The following ZBTB20 variants were observed in gnomAD, a reference collection of about 807,000 sequenced individuals.
The protein encoded by ZBTB20 is zinc finger and BTB domain containing 20.
Under a neutral mutation model 56.9 loss-of-function variants are expected in ZBTB20, and 9 were observed. That is an observed-to-expected ratio of 0.16 (90% CI 0.10 to 0.28). The LOEUF is 0.28. Ranked by LOEUF, ZBTB20 falls within the 10% of genes least tolerant of loss-of-function variation. The pLI, the probability that ZBTB20 is intolerant of heterozygous loss-of-function variation, is 1.00. For missense variants in ZBTB20, 655 were observed against 1,003.0 expected, an observed-to-expected ratio of 0.65 and a Z score of 4.69; for synonymous variants, 417 against 420.7, an observed-to-expected ratio of 0.99 and a Z score of 0.11.
At chr3:114,417,564 A>G (rs1405165315) in intron 7 of ZBTB20, among the ~76,000 whole-genome samples, 1 of 152,080 alleles carries the variant, frequency 6.6e-6, no homozygotes, top group Non-Finnish European at 1.5e-5. Context: ...GGACGTTAAT[A>G]TAAAAGGTAG....
intron 7 of ZBTB20, among the ~76,000 whole-genome samples, chr3:114,394,634 G>A (rs2086180564): frequency 6.6e-6 from 1 of 152,188 alleles, no homozygotes; most frequent in African/African-American, 2.4e-5. Context: ...GGTGGAGCTT[G>A]TGATCCTGCA....
At chr3:115,091,062 A>T (rs2083175353) in intron 1 of ZBTB20, among the ~76,000 whole-genome samples, 1 of 151,936 alleles carries the variant, frequency 6.6e-6, no homozygotes, top group African/African-American at 2.4e-5. Context: ...TATTTATTAT[A>T]TGGTTAAAGA....
At chr3:114,969,015 T>C (rs1050546995) in intron 3 of ZBTB20, among the ~76,000 whole-genome samples, 2 of 152,198 alleles carry the variant, frequency 1.3e-5, no homozygotes, top group African/African-American at 4.8e-5. Context: ...GTAGACTCAA[T>C]TCCCTAACCC....
At chr3:114,609,988 G>A (rs899407639) in intron 6 of ZBTB20, among the ~76,000 whole-genome samples, 1 of 152,176 alleles carries the variant, frequency 6.6e-6, no homozygotes, top group Non-Finnish European at 1.5e-5. Flanking sequence ...CAGGTTAAGT[G>A]AGAACGAGAA....
At chr3:115,094,881 T>C (rs2083321818) in intron 1 of ZBTB20, among the ~76,000 whole-genome samples, 1 of 152,056 alleles carries the variant, frequency 6.6e-6, no homozygotes, top group African/African-American at 2.4e-5. Flanking sequence ...AGATTCGTAA[T>C]TATTACCATT....
At chr3:115,070,460 C>A (rs897660401) in intron 2 of ZBTB20, among the ~76,000 whole-genome samples, 1 of 152,032 alleles carries the variant, frequency 6.6e-6, no homozygotes, top group Non-Finnish European at 1.5e-5. Context: ...CAGAAACACA[C>A]CATTTTTTCA....
rs572557311 is a variant in ZBTB20, at chr3:114,544,334, T to A, written c.-294-43943A>T. On this transcript the variant is annotated intron_variant, in intron 6 of 11. Coordinates refer to ENST00000675478, the MANE Select transcript of ZBTB20 (RefSeq NM_001348800.3). ...AAAATACAATGATTTGAAGAACAAA[T>A]CTATTTAAGATAAAAAGGCACATAA... Among the ~76,000 whole-genome samples the A allele has an allele frequency of 4.3e-4, 66 of 152,216 alleles. 1 individual carries two copies. Among genetic ancestry groups the A allele is most frequent in the Middle Eastern group, 6.8e-3 (2 of 294 alleles).
chr3:115,075,031 T>C (rs937518457), intron 1 of ZBTB20, among the ~76,000 whole-genome samples: 1 of 152,178 alleles, frequency 6.6e-6, no homozygotes, highest in Non-Finnish European at 1.5e-5. Context: ...TACGGTTATA[T>C]AACATTAACT....
At chr3:114,383,810 C>T (rs2084694062) in intron 8 of ZBTB20, among the ~76,000 whole-genome samples, 1 of 152,152 alleles carries the variant, frequency 6.6e-6, no homozygotes, top group African/African-American at 2.4e-5. Context: ...CCCATTTTTG[C>T]AGTTCATAGT....
At chr3:114,748,352 T>TCTCTCTCTCTCTCTCTCTC (rs374192570) in intron 5 of ZBTB20, among the ~76,000 whole-genome samples, 1 of 48,654 alleles carries the variant, frequency 2.1e-5, no homozygotes, top group East Asian at 7.6e-4. Context: ...TTTCTTTCTT[T>TCTCTCTCTCTCTCTCTCTC]TCTCTCTCTC....
intron 6 of ZBTB20, among the ~76,000 whole-genome samples, chr3:114,675,116 T>G (rs1174918636): frequency 2.0e-5 from 3 of 150,106 alleles, no homozygotes; most frequent in Admixed American, 6.7e-5. Context: ...TTTTTAATTT[T>G]ATTTTATTTG....
chr3:115,111,956 T>C (rs6438229), intron 1 of ZBTB20, among the ~76,000 whole-genome samples: 14,250 of 152,130 alleles, frequency 0.094, 1,976 homozygotes, highest in African/African-American at 0.3. Context: ...ATATGTAGTT[T>C]TACCACTGAG....
At chr3:114,973,797 T>G (rs941071189) in intron 3 of ZBTB20, among the ~76,000 whole-genome samples, 26 of 152,102 alleles carry the variant, frequency 1.7e-4, no homozygotes, top group African/African-American at 6.0e-4. Context: ...CTAAGAAGCC[T>G]CCTTCAATCC....
At chr3:114,936,357 ATG>A (rs1468972291) in intron 3 of ZBTB20, among the ~76,000 whole-genome samples, 3 of 152,120 alleles carry the variant, frequency 2.0e-5, no homozygotes, top group Non-Finnish European at 1.5e-5. Flanking sequence ...GAGTCAGGAG[ATG>A]TGGATTCTGC....
At chr3:115,042,530 TA>T (rs1414072456) in intron 2 of ZBTB20, among the ~76,000 whole-genome samples, 1 of 152,136 alleles carries the variant, frequency 6.6e-6, no homozygotes, top group Non-Finnish European at 1.5e-5. Context: ...TTCCTAGAGT[TA>T]AAAAAAGAAA....
chr3:114,469,283 T>C (rs1298756713), intron 7 of ZBTB20, among the ~76,000 whole-genome samples: 1 of 152,148 alleles, frequency 6.6e-6, no homozygotes, highest in East Asian at 1.9e-4. Flanking sequence ...GAATGTAATG[T>C]GGAGAGACTG....
intron 2 of ZBTB20, among the ~76,000 whole-genome samples, chr3:115,049,112 T>G (rs2081446375): frequency 6.6e-6 from 1 of 152,158 alleles, no homozygotes; most frequent in Non-Finnish European, 1.5e-5. Context: ...ACCTTTTCAG[T>G]GCTCTCTTAG....
At chr3:114,616,316 C>T (rs1168621003) in intron 6 of ZBTB20, among the ~76,000 whole-genome samples, 1 of 152,164 alleles carries the variant, frequency 6.6e-6, no homozygotes, top group Admixed American at 6.5e-5. Flanking sequence ...AGGATTTTGC[C>T]TTTATAATCA....
At chr3:114,385,400 C>T (rs892879773) in intron 8 of ZBTB20, among the ~76,000 whole-genome samples, 4 of 152,116 alleles carry the variant, frequency 2.6e-5, no homozygotes, top group Admixed American at 6.5e-5. Flanking sequence ...GCCTCATTTT[C>T]CTCATCTGTA....
Sources: gnomAD v4.1 joint callset for allele counts (sites outside exome capture counted in the v4.1 genomes callset) on GRCh38, gnomAD v4.1.1 for gene constraint, MANE v1.5 for transcripts, NCBI Gene and HGNC (gene_info 2026-07-23, HGNC 2026-07-21) for gene names.